Variants in SLC44A5 observed in about 807,000 individuals in gnomAD.
The protein encoded by SLC44A5 is solute carrier family 44 member 5, also known as choline transporter-like protein 5.
Under a neutral mutation model 101.8 loss-of-function variants are expected in SLC44A5, and 57 were observed. The ratio of observed to expected loss-of-function variants is 0.56; its 90% CI spans 0.45 to 0.70. SLC44A5 has a LOEUF of 0.70. Among genes scored for constraint, SLC44A5 ranks in the 30% least tolerant of loss-of-function variants. SLC44A5 has a pLI of 0.00. For missense variants in SLC44A5, 737 were observed against 853.1 expected (o/e 0.86, Z 1.70); for synonymous variants, 281 against 290.9 (o/e 0.97, Z 0.35).
chr1:75,582,540 C>A (rs1425217875), intron 1 of SLC44A5: 2 of 527,146 alleles, frequency 3.8e-6, no homozygotes, highest in Non-Finnish European at 6.8e-6. Context: ...GGCGCCCAGG[C>A]CACTACAAAG....
chr1:75,454,594 G>T (rs1307410931), intron 2 of SLC44A5, among the ~76,000 whole-genome samples: 3 of 151,816 alleles, frequency 2.0e-5, no homozygotes, highest in African/African-American at 4.8e-5. Flanking sequence ...AATAGGAGAA[G>T]TCAAACTCTC....
intron 2 of SLC44A5, among the ~76,000 whole-genome samples, chr1:75,400,158 A>T (rs138132757): frequency 9.2e-5 from 14 of 152,340 alleles, no homozygotes; most frequent in African/African-American, 3.4e-4. Flanking sequence ...TAAAGATGAA[A>T]ACAATAGACA....
intron 5 of SLC44A5, among the ~76,000 whole-genome samples, chr1:75,292,901 G>A (rs1433133358): frequency 6.6e-6 from 1 of 152,184 alleles, no homozygotes; most frequent in Non-Finnish European, 1.5e-5. Context: ...GTGTTCAAGA[G>A]CACAGGCTCT....
At chr1:75,225,930 C>G (rs1647185201) in intron 13 of SLC44A5, among the ~76,000 whole-genome samples, 1 of 152,078 alleles carries the variant, frequency 6.6e-6, no homozygotes, top group African/African-American at 2.4e-5. Context: ...GGCACAGAAC[C>G]CGTAACTAAG....
chr1:75,268,701 A>C (rs1651210643), intron 6 of SLC44A5, among the ~76,000 whole-genome samples: 1 of 152,208 alleles, frequency 6.6e-6, no homozygotes, highest in Admixed American at 6.5e-5. Context: ...GTGTACAAAC[A>C]TACCAACAAA....
intron 1 of SLC44A5, among the ~76,000 whole-genome samples, chr1:75,605,898 G>A (rs1351611337): frequency 6.6e-6 from 1 of 151,968 alleles, no homozygotes; most frequent in Non-Finnish European, 1.5e-5. Flanking sequence ...CTAGCCCATA[G>A]CTTCTCAGCC....
At chr1:75,651,676 G>A in the SLC44A5 span, among the ~76,000 whole-genome samples, 3 of 123,352 alleles carry the variant, frequency 2.4e-5, no homozygotes, top group African/African-American at 6.3e-5. Flanking sequence ...CAGCCTGGGC[G>A]ACAGAGCGAG....
At chr1:75,511,436 G>A (rs369640759) in intron 2 of SLC44A5, among the ~76,000 whole-genome samples, 3 of 152,020 alleles carry the variant, frequency 2.0e-5, no homozygotes, top group African/African-American at 7.2e-5. Flanking sequence ...ACACAGCTAC[G>A]ATAAAAGCAC....
At chr1:75,577,491 A>G (rs1473286767) in intron 1 of SLC44A5, among the ~76,000 whole-genome samples, 1 of 152,132 alleles carries the variant, frequency 6.6e-6, no homozygotes, top group Non-Finnish European at 1.5e-5. Flanking sequence ...TCTTCCAGAC[A>G]TCCAGATGTC....
chr1:75,445,982 G>A (rs149663516), intron 2 of SLC44A5, among the ~76,000 whole-genome samples: 8 of 152,078 alleles, frequency 5.3e-5, no homozygotes, highest in African/African-American at 1.7e-4. Flanking sequence ...CAATCCATCA[G>A]CAACTCATAT....
At chr1:75,580,891 A>C (rs1673659577) in intron 1 of SLC44A5, among the ~76,000 whole-genome samples, 1 of 151,976 alleles carries the variant, frequency 6.6e-6, no homozygotes. Context: ...AAGAGGGCCC[A>C]TATGTTTAGC....
At chr1:75,610,981 A>C (rs1675630150) in intron 1 of SLC44A5, 59 bp downstream of exon 1, 1 of 752,002 alleles carries the variant, frequency 1.3e-6, no homozygotes, top group African/African-American at 1.9e-5. Flanking sequence ...CTTATGAATA[A>C]CAAACTTGAC....
At chr1:75,440,086 T>C (rs1665111492) in intron 2 of SLC44A5, among the ~76,000 whole-genome samples, 1 of 152,156 alleles carries the variant, frequency 6.6e-6, no homozygotes, top group Non-Finnish European at 1.5e-5. Flanking sequence ...CACATTTATT[T>C]AGATGCCACT....
chr1:75,347,222 C>G (rs948912060), intron 3 of SLC44A5, among the ~76,000 whole-genome samples: 2 of 152,126 alleles, frequency 1.3e-5, no homozygotes, highest in African/African-American at 4.8e-5. Flanking sequence ...AACATCTCTC[C>G]TGCTTCCTCA....
chr1:75,664,852 C>T, the SLC44A5 span, among the ~76,000 whole-genome samples: 2 of 149,834 alleles, frequency 1.3e-5, no homozygotes, highest in South Asian at 4.2e-4. Flanking sequence ...ACCTGGGAGG[C>T]TGAGCTTGCA....
the SLC44A5 span, among the ~76,000 whole-genome samples, chr1:75,677,522 A>G: frequency 2.7e-4 from 41 of 152,310 alleles, no homozygotes; most frequent in African/African-American, 9.1e-4. Flanking sequence ...ACATATCATC[A>G]GATAAAAACA....
chr1:75,586,893 G>C (rs1674035516), intron 1 of SLC44A5, among the ~76,000 whole-genome samples: 1 of 124,908 alleles, frequency 8.0e-6, no homozygotes, highest in East Asian at 2.8e-4. Context: ...ATTTGGAATA[G>C]AGTAAGTTTT....
At chr1:75,376,781 C>T (rs1424768378) in intron 3 of SLC44A5, among the ~76,000 whole-genome samples, 1 of 152,214 alleles carries the variant, frequency 6.6e-6, no homozygotes, top group African/African-American at 2.4e-5. Flanking sequence ...GCCTCTCCTC[C>T]AAAGGAACGC....
At chr1:75,492,090 C>A (rs769504164) in intron 2 of SLC44A5, among the ~76,000 whole-genome samples, 16 of 152,146 alleles carry the variant, frequency 1.1e-4, no homozygotes, top group South Asian at 8.3e-4. Flanking sequence ...TGTGCCGGGC[C>A]CTGCAGTTCA....
Sources: allele counts gnomAD v4.1 joint callset (sites outside exome capture counted in the v4.1 genomes callset), GRCh38; gene constraint gnomAD v4.1.1; transcripts MANE v1.5; gene names NCBI Gene and HGNC (gene_info 2026-07-23, HGNC 2026-07-21).